GRIN1: variants seen among roughly 807,000 people sequenced by gnomAD.
GRIN1 encodes glutamate receptor ionotropic, NMDA 1.
In GRIN1, 38 loss-of-function variants were observed where a neutral mutation model predicts 103.0. The ratio of observed to expected loss-of-function variants is 0.37; its 90% CI spans 0.28 to 0.48. The LOEUF (loss-of-function observed/expected upper bound fraction) is 0.48. Among genes scored for constraint, GRIN1 ranks in the 20% least tolerant of loss-of-function variants. GRIN1 has a pLI of 0.98. For synonymous variants in GRIN1, 544 were observed against 532.7 expected (o/e 1.02, Z -0.29); for missense variants, 577 against 1,288.9 (o/e 0.45, Z 8.46).
Position 137,163,901 on chromosome 9 carries a change from G to A in GRIN1, c.2586G>A (p.Leu862=), listed in dbSNP as rs368930532. ...CCGTTAACGTGTGGCGGAAGAACCT[G>A]CAGGTAGGGCAGGCCACCCTCCGAG... is the stretch of plus-strand genomic sequence containing the variant. ...FAAVNVWRKN[L]QDRKSGRAEP... Residue 862 remains leucine, a synonymous_variant, in exon 18 of 20, where the codon CTG becomes CTA. Coordinates refer to ENST00000371561, the MANE Select transcript of GRIN1 (RefSeq NM_007327.4). 4 of 1,612,466 alleles carry A rather than the reference G, an allele frequency of 2.5e-6. No homozygotes were observed. The highest frequency in any genetic ancestry group is 1.1e-5 in the South Asian group (1 of 91,082).
intron 1 of GRIN1, among the ~76,000 whole-genome samples, chr9:137,141,091 T>A (rs1391283989): frequency 6.6e-6 from 1 of 152,196 alleles, no homozygotes; most frequent in Admixed American, 6.5e-5. Context: ...TGTTGCTGTC[T>A]GTCTGTGGGC....
intron 4 of GRIN1, among the ~76,000 whole-genome samples, chr9:137,153,631 T>C (rs1307212299): frequency 6.6e-6 from 1 of 151,838 alleles, no homozygotes; most frequent in Admixed American, 6.6e-5. Flanking sequence ...TACAAAGACA[T>C]CCACTGATAT....
intron 18 of GRIN1, 181 bp from the exon 19 acceptor site, chr9:137,165,005 G>A (rs895807102): frequency 3.2e-5 from 20 of 634,182 alleles, no homozygotes; most frequent in African/African-American, 5.4e-5. Context: ...CCGAGACCCC[G>A]GGCAGGAGAA....
At chr9:137,143,902 C>A (rs1187940067) in intron 2 of GRIN1, among the ~76,000 whole-genome samples, 1 of 152,222 alleles carries the variant, frequency 6.6e-6, no homozygotes, top group South Asian at 2.1e-4. Flanking sequence ...GGGGGCAGAG[C>A]CTGCTCCACT....
chr9:137,164,811 T>G, intron 18 of GRIN1: 1 of 306,946 alleles, frequency 3.3e-6, no homozygotes, highest in South Asian at 3.0e-5. Flanking sequence ...CCCTTGGGGG[T>G]CAGTGGCCTC....
chr9:137,146,033 G>A lies in GRIN1; in HGVS notation c.570+131G>A. ...TGGTCAGCACCACCACGTCTGGCGA[G>A]CGCCCGCCCCAGCCTGTCCTCGGCT... On this transcript the variant is annotated intron_variant, in intron 3 of 19. Transcript: ENST00000371561. This position sits in a 1 kb window ranked among gnomAD's most constrained non-coding sequence, Gnocchi z 6.7. 1 of 684,834 alleles carries A rather than the reference G, an allele frequency of 1.5e-6. No individual in the cohort carries two copies. Among genetic ancestry groups the A allele is most frequent in the South Asian group, 1.8e-5 (1 of 56,546 alleles). The allele number at this position is 684,834 out of a possible 1,614,324, so 42.4% of individuals were successfully genotyped here.
intron 4 of GRIN1, among the ~76,000 whole-genome samples, chr9:137,154,945 C>G (rs1048636916): frequency 6.6e-6 from 1 of 152,214 alleles, no homozygotes; most frequent in Non-Finnish European, 1.5e-5. Flanking sequence ...TGACCCCAGA[C>G]CTTCAGCCTG....
intron 18 of GRIN1, chr9:137,164,402 T>G: frequency 4.5e-6 from 1 of 221,954 alleles, no homozygotes; most frequent in Non-Finnish European, 9.1e-6. Context: ...CCATGAGAAT[T>G]TGCCACCAGC....
At chr9:137,148,111 T>G (rs1832651823) in intron 3 of GRIN1, 1 of 1,293,288 alleles carries the variant, frequency 7.7e-7, no homozygotes. Context: ...TATAATCTTC[T>G]TCTGTGTCTG....
chr9:137,147,042 C>CCCCCCCAGCGCCCGACGGGCCCCT (rs752365133), intron 3 of GRIN1, among the ~76,000 whole-genome samples: 1 of 84,958 alleles, frequency 1.2e-5, no homozygotes, highest in African/African-American at 5.1e-5. Flanking sequence ...ACAGGCCCCT[C>CCCCCCCAGCGCCCGACGGGCCCCT]CCCCCCAGCA....
At chr9:137,161,014 C>G in intron 8 of GRIN1, 42 bp from the exon 9 acceptor site, 2 of 1,611,756 alleles carry the variant, frequency 1.2e-6, no homozygotes, top group Non-Finnish European at 1.7e-6. Flanking sequence ...CCTGGGCAGC[C>G]TTAGGTCGGT....
chr9:137,166,927 C>A (rs914650602), intron 19 of GRIN1, among the ~76,000 whole-genome samples: 1 of 152,154 alleles, frequency 6.6e-6, no homozygotes. Flanking sequence ...GGGGCAAGCA[C>A]AAATGTCGTG....
At position 137,154,432 on chromosome 9, in the gene GRIN1, C is replaced by CTTTTTTT. The variant is rs543160973; in HGVS notation, c.672-2204_672-2198dup. On this transcript the variant is annotated intron_variant, in intron 4 of 19. Transcript: ENST00000371561. ...CAGCCACCACCCCCAGCTCCAACAA[C>CTTTTTTT]TTTTTTTTTTTTTTTTTTTTTTTTT... Among the ~76,000 whole-genome samples, 9 of 43,010 alleles carry CTTTTTTT rather than the reference C, an allele frequency of 2.1e-4. 1 individual carries two copies. The highest frequency in any genetic ancestry group is 2.9e-4 in the Non-Finnish European group (7 of 24,014). The allele number at this position is 43,010 out of a possible 152,430, so 28.2% of individuals were successfully genotyped here. A position where few individuals can be genotyped will look rare whatever the true frequency, so the allele number is the denominator to read the frequency against.
rs745492450 is a variant in GRIN1, at chr9:137,139,490, A to C, written c.4A>C (p.Ser2Arg). The stretch of plus-strand genomic sequence containing the variant: ...GCCAGGCCCGCGGCCCGAGCCCATG[A>C]GCACCATGCGCCTGCTGACGCTCGC... M[S>R]TMRLLTLALL... Residue 2 changes from serine (S) to arginine (R), a missense_variant, in exon 1 of 20, where the codon AGC (serine) becomes CGC (arginine). Transcript: ENST00000371561. The surrounding 1 kb of genome is among the most constrained non-coding windows in gnomAD (Gnocchi z 7.7). 6.3e-7 allele frequency: 1 copy of C among 1,589,280 alleles called. No homozygotes were observed. Among genetic ancestry groups the C allele is most frequent in the South Asian group, 1.1e-5 (1 of 90,030 alleles).
At position 137,163,176 on chromosome 9, in the gene GRIN1, C is replaced by T; in HGVS notation, c.2179C>T (p.His727Tyr). Residue 727 changes from histidine (H) to tyrosine (Y), a missense_variant, in exon 16 of 20, where the codon CAT becomes TAT. Physicochemically the swap from His to Tyr is moderately conservative, Grantham distance 83. Transcript: ENST00000371561. ...AIQAVRDNKL[H>Y]AFIWDSAVLE... Reference sequence around the variant, plus strand: ...CTCCGCCTCTGCCGGCAGCAAGCTGCATGCCTTCATCTGGGACTCGGCGGT... The same window carrying T: ...CTCCGCCTCTGCCGGCAGCAAGCTGTATGCCTTCATCTGGGACTCGGCGGT... The T allele has an allele frequency of 6.2e-7, 1 of 1,613,252 alleles. No homozygotes were observed. The highest frequency in any genetic ancestry group is 8.5e-7 in the Non-Finnish European group (1 of 1,179,886).
chr9:137,157,701 G>A (rs1251487194), intron 6 of GRIN1, among the ~76,000 whole-genome samples: 1 of 152,220 alleles, frequency 6.6e-6, no homozygotes, highest in Admixed American at 6.5e-5. Flanking sequence ...TGGACACCAT[G>A]CCATGCCAGC....
intron 4 of GRIN1, among the ~76,000 whole-genome samples, chr9:137,151,088 C>T (rs1832864701): frequency 6.9e-6 from 1 of 144,594 alleles, no homozygotes; most frequent in African/African-American, 2.6e-5. Context: ...GAAAAAAAAC[C>T]CGCCCAGGGA....
intron 3 of GRIN1, 81 bp from the exon 4 acceptor site, chr9:137,148,928 G>C (rs535262640): frequency 9.6e-7 from 1 of 1,037,316 alleles, no homozygotes; most frequent in East Asian, 2.6e-5. Context: ...GGGGTTCCCA[G>C]CGGCTCCGGC....
rs765985485 is a variant in GRIN1 at position 137,161,213 on chromosome 9, AGGGCGCG to A, written c.1339+28_1339+34del. On this transcript the variant is annotated intron_variant, in intron 9 of 19. Transcript: ENST00000371561. ...CCGGGCAGCCGTGAGTGCGCGGGGCAGGGCGCGGGGCGCGGGGCAGGGCGCGGGGCGT... is the reference window on the plus strand; with the variant it reads ...CCGGGCAGCCGTGAGTGCGCGGGGCAGGGCGCGGGGCAGGGCGCGGGGCGT... 27 of 1,605,828 alleles carry A rather than the reference AGGGCGCG, an allele frequency of 1.7e-5. No homozygotes were observed. The highest frequency in any genetic ancestry group is 2.2e-5 in the East Asian group (1 of 44,572).
Sources: allele counts gnomAD v4.1 joint callset (sites outside exome capture counted in the v4.1 genomes callset), GRCh38; gene constraint gnomAD v4.1.1; non-coding constraint Gnocchi (gnomAD v3.1); transcripts MANE v1.5; gene names NCBI Gene and HGNC (gene_info 2026-07-23, HGNC 2026-07-21).